Variants in FAM227B observed in about 807,000 individuals in gnomAD.
FAM227B encodes the protein family with sequence similarity 227 member B, also known as protein FAM227B.
FAM227B carries 88 observed loss-of-function variants against 73.8 expected under a neutral mutation model. The ratio of observed to expected loss-of-function variants is 1.19; its 90% CI spans 1.00 to 1.42. The LOEUF is 1.42. Among genes scored for constraint, FAM227B ranks in the 40% most tolerant of loss-of-function variants. The pLI is 0.00. For synonymous variants in FAM227B, 210 were observed against 190.5 expected, an observed-to-expected ratio of 1.10 and a Z score of -0.84; for missense variants, 632 against 590.9, an observed-to-expected ratio of 1.07 and a Z score of -0.72.
At chr15:49,570,885 AATTT>A (rs1407315161) in intron 8 of FAM227B, among the ~76,000 whole-genome samples, 15 of 147,554 alleles carry the variant, frequency 1.0e-4, no homozygotes, top group African/African-American at 2.2e-4. Context: ...GCATTTATAT[AATTT>A]ATTAATATTA....
chr15:49,489,841 T>TTATATATATATATATTA (rs2056829153), intron 11 of FAM227B, among the ~76,000 whole-genome samples: 1 of 22,998 alleles, frequency 4.3e-5, no homozygotes, highest in Non-Finnish European at 7.5e-5. Context: ...TATATATATT[T>TTATATATATATATATTA]TATATATATA....
intron 11 of FAM227B, chr15:49,487,145 C>T (rs1265796171): frequency 6.6e-6 from 1 of 151,822 alleles, no homozygotes; most frequent in African/African-American, 2.4e-5. Context: ...AATGACTAAT[C>T]TATACTGTGA....
chr15:49,378,713 G>T (rs2046328098), intron 11 of FAM227B, among the ~76,000 whole-genome samples: 1 of 151,946 alleles, frequency 6.6e-6, no homozygotes. Context: ...GAGTCTTTAG[G>T]TTTTTCCAAA....
At chr15:49,552,393 C>G (rs915870974) in intron 9 of FAM227B, among the ~76,000 whole-genome samples, 17 of 152,098 alleles carry the variant, frequency 1.1e-4, no homozygotes, top group Non-Finnish European at 2.2e-4. Flanking sequence ...TTTCTTTTAT[C>G]TTGCTGCTCT....
chr15:49,494,171 A>G (rs1169286685), intron 11 of FAM227B, among the ~76,000 whole-genome samples: 1 of 151,574 alleles, frequency 6.6e-6, no homozygotes, highest in Non-Finnish European at 1.5e-5. Context: ...AGTAATTTTA[A>G]TGCTTGAGTC....
At chr15:49,541,089 TA>T (rs1219801074) in intron 10 of FAM227B, among the ~76,000 whole-genome samples, 6 of 152,172 alleles carry the variant, frequency 3.9e-5, no homozygotes, top group Non-Finnish European at 5.9e-5. Context: ...TGGTGGTTAA[TA>T]ATAATAATCT....
intron 8 of FAM227B, among the ~76,000 whole-genome samples, 178 bp from the exon 9 acceptor site, chr15:49,568,524 T>C (rs1432125408): frequency 2.0e-5 from 3 of 152,036 alleles, no homozygotes; most frequent in Non-Finnish European, 4.4e-5. Context: ...ATTGGCTGTA[T>C]TACCCTGGGC....
At chr15:49,479,487 C>G (rs1287761551) in intron 11 of FAM227B, among the ~76,000 whole-genome samples, 1 of 151,120 alleles carries the variant, frequency 6.6e-6, no homozygotes, top group Non-Finnish European at 1.5e-5. Flanking sequence ...GTATAATTAA[C>G]TTATATTGGT....
intron 11 of FAM227B, among the ~76,000 whole-genome samples, chr15:49,433,893 AAAAGAG>A (rs2151800806): frequency 6.6e-6 from 1 of 151,870 alleles, no homozygotes; most frequent in African/African-American, 2.4e-5. Flanking sequence ...ATTAGAGACA[AAAAGAG>A]AAAAAGTCTT....
At chr15:49,593,278 G>A (rs564767086) in intron 3 of FAM227B, among the ~76,000 whole-genome samples, 2 of 152,194 alleles carry the variant, frequency 1.3e-5, no homozygotes, top group East Asian at 1.9e-4. Context: ...AATCACACAG[G>A]AGCTGTAGAC....
chr15:49,598,091 GAGA>G, intron 3 of FAM227B, among the ~76,000 whole-genome samples: 1 of 151,968 alleles, frequency 6.6e-6, no homozygotes, highest in South Asian at 2.1e-4. Context: ...CCAAAAGACA[GAGA>G]AGGAGGGAAT....
At chr15:49,501,716 C>G (rs1284837940) in intron 11 of FAM227B, among the ~76,000 whole-genome samples, 1 of 152,126 alleles carries the variant, frequency 6.6e-6, no homozygotes, top group African/African-American at 2.4e-5. Flanking sequence ...GAGAAATTTG[C>G]ATAACAAAAG....
intron 5 of FAM227B, among the ~76,000 whole-genome samples, chr15:49,578,086 T>A (rs1179274437): frequency 6.6e-6 from 1 of 152,190 alleles, no homozygotes; most frequent in Non-Finnish European, 1.5e-5. Context: ...TTAGTTATGA[T>A]GGAGGCCTAA....
intron 11 of FAM227B, among the ~76,000 whole-genome samples, chr15:49,491,575 T>C (rs1167736338): frequency 2.0e-5 from 3 of 151,864 alleles, no homozygotes; most frequent in African/African-American, 7.2e-5. Flanking sequence ...TGTCAATCAA[T>C]CCATACCCTG....
At chr15:49,617,754 AG>A (rs1228950462) in intron 1 of FAM227B, among the ~76,000 whole-genome samples, 1 of 151,142 alleles carries the variant, frequency 6.6e-6, no homozygotes, top group African/African-American at 2.4e-5. Flanking sequence ...ATGGGTCTGC[AG>A]GGCTATGCTC....
intron 11 of FAM227B, among the ~76,000 whole-genome samples, chr15:49,471,484 A>AAATAATAATAATAATAAT (rs201297260): frequency 7.3e-6 from 1 of 137,860 alleles, no homozygotes; most frequent in African/African-American, 2.7e-5. Flanking sequence ...CTCTATCTCA[A>AAATAATAATAATAATAAT]AATAATAATA....
Position 49,327,812 on chromosome 15 carries a change from C to A in FAM227B, c.*756G>T. Reference sequence around the variant, plus strand: ...GAAACAGTATAAATGTCTTAATGTCCTAAAATGTTTGATGACACCTAAAAA... The same window carrying A: ...GAAACAGTATAAATGTCTTAATGTCATAAAATGTTTGATGACACCTAAAAA... On this transcript the variant is annotated 3_prime_UTR_variant, in exon 16 of 16. Coordinates refer to ENST00000299338, the MANE Select transcript of FAM227B (RefSeq NM_152647.3). The A allele has an allele frequency of 1.4e-6, 1 of 707,064 alleles. No homozygotes were observed. The highest frequency in any genetic ancestry group is 2.2e-6 in the Non-Finnish European group (1 of 445,008). 43.8% of individuals were successfully genotyped at this position (707,064 alleles called of 1,614,324 possible). A position where few individuals can be genotyped will look rare whatever the true frequency, so the allele number is the denominator to read the frequency against.
rs184990744 is a variant in FAM227B, at chr15:49,534,095, C to T, written c.874+7585G>A. ...TACATAAATCCTATTATAATTACAACAGTCTATTTTGATAGCATAACACAC... is the reference window on the plus strand; with the variant it reads ...TACATAAATCCTATTATAATTACAATAGTCTATTTTGATAGCATAACACAC... On this transcript the variant is annotated intron_variant, in intron 10 of 15. Transcript: ENST00000299338. 5.9e-5 allele frequency among the ~76,000 whole-genome samples: 9 copies of T among 151,904 alleles called. No individual in the cohort carries two copies. The East Asian group carries it at 1.7e-3, about 29-fold the overall frequency.
intron 10 of FAM227B, among the ~76,000 whole-genome samples, chr15:49,534,049 C>T (rs1201294144): frequency 6.6e-6 from 1 of 151,708 alleles, no homozygotes; most frequent in East Asian, 1.9e-4. Context: ...TAGGTTTTTA[C>T]TTTGTAGTTA....
Sources: allele counts gnomAD v4.1 joint callset (sites outside exome capture counted in the v4.1 genomes callset), GRCh38; gene constraint gnomAD v4.1.1; transcripts MANE v1.5; gene names NCBI Gene and HGNC (gene_info 2026-07-23, HGNC 2026-07-21).